SVEP1: variants seen among roughly 807,000 people sequenced by gnomAD.
The protein encoded by SVEP1 is sushi, von Willebrand factor type A, EGF and pentraxin domain containing 1, also known as sushi, von Willebrand factor type A, EGF and pentraxin domain-containing protein 1.
A neutral mutation model predicts 367.3 loss-of-function variants in SVEP1; 164 were observed. That is an observed-to-expected ratio of 0.45 (90% CI 0.39 to 0.51). The LOEUF is 0.51. Ranked by LOEUF, SVEP1 falls within the 20% of genes least tolerant of loss-of-function variation. SVEP1 has a pLI of 0.00. For synonymous variants in SVEP1, 1,666 were observed against 1,611.6 expected, an observed-to-expected ratio of 1.03 and a Z score of -0.81; for missense variants, 4,117 against 4,425.3, an observed-to-expected ratio of 0.93 and a Z score of 1.98.
intron 35 of SVEP1, 88 bp from the exon 36 acceptor site, chr9:110,427,846 G>A (rs185955240): frequency 1.4e-6 from 2 of 1,450,650 alleles, no homozygotes; most frequent in Non-Finnish European, 1.9e-6. Context: ...GAAAATAAGG[G>A]ACATTTGAGG....
intron 20 of SVEP1, chr9:110,458,135 G>C (rs534524918): frequency 3.8e-6 from 2 of 523,110 alleles, no homozygotes; most frequent in Non-Finnish European, 7.3e-6. Context: ...AATTAGAAAA[G>C]GCCTTTCCTT....
At chr9:110,455,351 C>A (rs542008902) in intron 22 of SVEP1, among the ~76,000 whole-genome samples, 1 of 152,298 alleles carries the variant, frequency 6.6e-6, no homozygotes, top group South Asian at 2.1e-4. Context: ...TGGGAACACG[C>A]CTGCTTGTTT....
At chr9:110,522,677 G>A (rs1349317444) in intron 3 of SVEP1, among the ~76,000 whole-genome samples, 2 of 152,164 alleles carry the variant, frequency 1.3e-5, no homozygotes, top group African/African-American at 4.8e-5. Context: ...AAGATTCTGA[G>A]TGTAGTTTGG....
Position 110,471,373 on chromosome 9 carries a change from G to A in SVEP1, c.2989C>T (p.Arg997Cys), listed in dbSNP as rs761025824. ...CAGGGAACAGTCTTACCACACATAC[G>A]CCCTCTCAGCACTGAGCCTGGTCTG... Reference protein sequence around the residue: ...FCRPGSVLRGRMCVNCPLGTY... With the variant: ...FCRPGSVLRGCMCVNCPLGTY... Residue 997 changes from arginine to cysteine, a missense_variant, in exon 16 of 48, where the codon CGT (arginine) becomes TGT (cysteine). By Grantham distance (180) the Arg-to-Cys change is radical. Around this residue, in one of 4 missense-constraint regions of SVEP1, gnomAD observed 2,174 missense variants for 2,494.3 expected, o/e 0.87. Transcript: ENST00000374469. The A allele has an allele frequency of 1.2e-5, 19 of 1,613,432 alleles. No homozygotes were observed. Among genetic ancestry groups the A allele is most frequent in the Admixed American group, 3.3e-5 (2 of 59,954 alleles).
intron 1 of SVEP1, among the ~76,000 whole-genome samples, chr9:110,556,486 TTTG>T (rs1830359555): frequency 1.3e-5 from 2 of 152,270 alleles, no homozygotes; most frequent in East Asian, 3.9e-4. Context: ...AAAGTCTTTT[TTTG>T]TTGTTGTTTT....
At chr9:110,484,452 T>C (rs1205276575) in intron 9 of SVEP1, among the ~76,000 whole-genome samples, 1 of 152,128 alleles carries the variant, frequency 6.6e-6, no homozygotes, top group Non-Finnish European at 1.5e-5. Flanking sequence ...TGATTGAATG[T>C]GGTGGAGTTT....
rs577116166 is a variant in SVEP1 at position 110,411,011 on chromosome 9, A to G, written c.6648+52T>C. The G allele has an allele frequency of 2.0e-6, 3 of 1,473,872 alleles. No homozygotes were observed. The East Asian group carries it at 6.9e-5, about 34-fold the overall frequency. 91.3% of individuals were successfully genotyped at this position (1,473,872 alleles called of 1,614,324 possible). ...AATTATTTGTTTTGTTTATTTATTTATTATGGGCCCTGTGACAAAAGCCAC... is the reference window on the plus strand; with the variant it reads ...AATTATTTGTTTTGTTTATTTATTTGTTATGGGCCCTGTGACAAAAGCCAC... On this transcript the variant is annotated intron_variant, in intron 37 of 47. Transcript: ENST00000374469.
intron 43 of SVEP1, among the ~76,000 whole-genome samples, chr9:110,384,627 A>ATAAC (rs1171425140): frequency 6.6e-6 from 1 of 150,936 alleles, no homozygotes; most frequent in African/African-American, 2.4e-5. Context: ...GAAATCTATA[A>ATAAC]TAACTACAAG....
At chr9:110,390,348 C>CTTATATATATACGTATATATAT (rs1484401976) in intron 40 of SVEP1, among the ~76,000 whole-genome samples, 1 of 33,194 alleles carries the variant, frequency 3.0e-5, no homozygotes, top group African/African-American at 2.1e-4. Flanking sequence ...TACTTATATA[C>CTTATATATATACGTATATATAT]ACTTATATAT....
intron 19 of SVEP1, 58 bp from the exon 20 acceptor site, chr9:110,458,620 A>C: frequency 2.7e-6 from 4 of 1,458,902 alleles, no homozygotes. Context: ...AGTGGACTAT[A>C]TCTAACACTA....
At chr9:110,393,534 G>A (rs955916297) in intron 40 of SVEP1, among the ~76,000 whole-genome samples, 13 of 152,286 alleles carry the variant, frequency 8.5e-5, no homozygotes, top group South Asian at 2.1e-4. Context: ...GCAGTGCACT[G>A]TGCACAAGCC....
chr9:110,393,403 G>A (rs1827698977), intron 40 of SVEP1, among the ~76,000 whole-genome samples: 1 of 152,128 alleles, frequency 6.6e-6, no homozygotes, highest in Non-Finnish European at 1.5e-5. Context: ...GCGATGAGAT[G>A]GCCAAATAGG....
chr9:110,575,218 C>G (rs1368839975), intron 1 of SVEP1, among the ~76,000 whole-genome samples: 1 of 152,206 alleles, frequency 6.6e-6, no homozygotes, highest in Admixed American at 6.5e-5. Context: ...GTAGGCAATT[C>G]CTCTGTTCAA....
intron 5 of SVEP1, among the ~76,000 whole-genome samples, chr9:110,505,119 C>T (rs7046184): frequency 0.11 from 17,180 of 152,142 alleles, 1,234 homozygotes; most frequent in African/African-American, 0.2. Context: ...CCTGCATTTC[C>T]GCGGTTCTGC....
chr9:110,373,336 A>C (rs1031964134), intron 46 of SVEP1, among the ~76,000 whole-genome samples: 2 of 152,190 alleles, frequency 1.3e-5, no homozygotes, highest in Non-Finnish European at 2.9e-5. Flanking sequence ...GGCTTTAGGT[A>C]GGGTGACGAC....
intron 13 of SVEP1, among the ~76,000 whole-genome samples, chr9:110,476,868 C>A (rs117150197): frequency 0.028 from 4,254 of 152,246 alleles, 91 homozygotes; most frequent in South Asian, 0.076. Flanking sequence ...CTCTTCGTTG[C>A]TGTTTCCAGA....
chr9:110,550,226 G>A, intron 1 of SVEP1, 122 bp from the exon 2 acceptor site: 1 of 1,302,334 alleles, frequency 7.7e-7, no homozygotes, highest in East Asian at 2.3e-5. Context: ...AGGGATGGAA[G>A]CCCTAGTCAG....
chr9:110,414,465 C>A (rs376682705), intron 36 of SVEP1, among the ~76,000 whole-genome samples: 1 of 151,958 alleles, frequency 6.6e-6, no homozygotes, highest in African/African-American at 2.4e-5. Flanking sequence ...TGCTGCATTT[C>A]GTTGCTTTAG....
At chr9:110,530,188 G>T (rs1829999739) in intron 3 of SVEP1, among the ~76,000 whole-genome samples, 1 of 152,162 alleles carries the variant, frequency 6.6e-6, no homozygotes, top group African/African-American at 2.4e-5. Context: ...AACCATCCCT[G>T]CATCCCTGGG....
Sources: allele counts gnomAD v4.1 joint callset (sites outside exome capture counted in the v4.1 genomes callset), GRCh38; gene constraint gnomAD v4.1.1; regional missense constraint gnomAD v4.1.1; transcripts MANE v1.5; gene names NCBI Gene and HGNC (gene_info 2026-07-23, HGNC 2026-07-21).